DPP10: variants seen among roughly 807,000 people sequenced by gnomAD.
DPP10 encodes the protein inactive dipeptidyl peptidase 10.
In DPP10, 33 loss-of-function variants were observed where a neutral mutation model predicts 120.9. The ratio of observed to expected loss-of-function variants is 0.27; its 90% CI spans 0.21 to 0.37. DPP10 has a LOEUF of 0.37. DPP10 is among the 10% of genes least tolerant of loss of function. The pLI is 1.00. For missense variants in DPP10, 816 were observed against 942.8 expected, an observed-to-expected ratio of 0.87 and a Z score of 1.76; for synonymous variants, 337 against 326.1, an observed-to-expected ratio of 1.03 and a Z score of -0.36.
intron 3 of DPP10, among the ~76,000 whole-genome samples, chr2:115,411,336 A>C (rs2068941335): frequency 6.6e-6 from 1 of 152,304 alleles, no homozygotes; most frequent in African/African-American, 2.4e-5. Flanking sequence ...CGTCTCAAAA[A>C]AAAAGGAGAG....
intron 1 of DPP10, among the ~76,000 whole-genome samples, chr2:115,007,921 TAAAAG>T (rs1005954709): frequency 2.0e-5 from 3 of 152,018 alleles, no homozygotes; most frequent in African/African-American, 4.8e-5. Flanking sequence ...CTCAAGGAAA[TAAAAG>T]AGGATACAAA....
chr2:114,943,102 A>G (rs963397980), intron 1 of DPP10, among the ~76,000 whole-genome samples: 12 of 151,872 alleles, frequency 7.9e-5, no homozygotes, highest in African/African-American at 2.7e-4. Context: ...CCCTGTGTCC[A>G]TGTGTTCTCA....
At chr2:114,768,996 ACC>A (rs1680999424) in intron 1 of DPP10, among the ~76,000 whole-genome samples, 1 of 152,010 alleles carries the variant, frequency 6.6e-6, no homozygotes, top group Non-Finnish European at 1.5e-5. Context: ...GCAATGGGGA[ACC>A]TCTTACATAT....
chr2:115,015,404 G>A (rs923987650), intron 1 of DPP10, among the ~76,000 whole-genome samples: 1 of 152,056 alleles, frequency 6.6e-6, no homozygotes, highest in African/African-American at 2.4e-5. Context: ...ATACTGAATG[G>A]GCAAAGGCTG....
intron 1 of DPP10, among the ~76,000 whole-genome samples, chr2:114,877,934 T>C (rs969892596): frequency 4.6e-5 from 7 of 152,054 alleles, no homozygotes; most frequent in African/African-American, 1.4e-4. Context: ...CCAATGTCTC[T>C]TTGGCCATTT....
intron 1 of DPP10, among the ~76,000 whole-genome samples, chr2:115,195,009 G>A (rs190662943): frequency 5.5e-4 from 83 of 152,226 alleles, no homozygotes; most frequent in Non-Finnish European, 2.4e-4. Context: ...ACTTAAGCTG[G>A]GACAGTGTCT....
intron 19 of DPP10, among the ~76,000 whole-genome samples, chr2:115,802,384 T>C (rs1180467666): frequency 2.0e-5 from 3 of 152,120 alleles, no homozygotes; most frequent in Non-Finnish European, 4.4e-5. Context: ...AAAACCAGCT[T>C]CTGGATTCAT....
intron 1 of DPP10, among the ~76,000 whole-genome samples, chr2:115,293,731 G>T (rs2060761233): frequency 1.3e-5 from 2 of 151,954 alleles, no homozygotes; most frequent in African/African-American, 4.8e-5. Flanking sequence ...TAATGGAAGA[G>T]AATGATGGAG....
intron 1 of DPP10, among the ~76,000 whole-genome samples, chr2:115,036,713 T>C (rs1704251403): frequency 6.6e-6 from 1 of 152,226 alleles, no homozygotes; most frequent in African/African-American, 2.4e-5. Flanking sequence ...TCACTGTTTT[T>C]TTCAAAGTAC....
intron 5 of DPP10, among the ~76,000 whole-genome samples, chr2:115,621,142 A>C (rs2084915492): frequency 6.6e-6 from 1 of 152,212 alleles, no homozygotes; most frequent in East Asian, 1.9e-4. Context: ...AAACATGCAG[A>C]GAATTGTAGT....
intron 5 of DPP10, among the ~76,000 whole-genome samples, chr2:115,643,509 C>T (rs1461626197): frequency 3.9e-5 from 6 of 152,096 alleles, no homozygotes; most frequent in African/African-American, 1.2e-4. Context: ...GAGGAGCCCA[C>T]GATATAATAG....
intron 5 of DPP10, among the ~76,000 whole-genome samples, chr2:115,647,371 T>C (rs986972136): frequency 6.6e-6 from 1 of 152,154 alleles, no homozygotes; most frequent in African/African-American, 2.4e-5. Flanking sequence ...ACGATGATTA[T>C]ACTCATTCAT....
In DPP10 at chr2:115,379,287, G is replaced by A. The variant is rs558917279; in HGVS notation, c.271+35375G>A. Among the ~76,000 whole-genome samples the A allele has an allele frequency of 7.9e-5, 12 of 152,284 alleles. No individual in the cohort carries two copies. The South Asian group carries it at 2.5e-3, about 32-fold the overall frequency. ...CTTCCTGGTTTAGTCTTGGGAGAGT[G>A]TATGTGTCGAGGAATTTATCTATTT... On this transcript the variant is annotated intron_variant, in intron 3 of 25. Transcript: ENST00000410059.
intron 1 of DPP10, among the ~76,000 whole-genome samples, chr2:115,248,487 A>C (rs571790001): frequency 1.3e-5 from 2 of 152,084 alleles, no homozygotes; most frequent in South Asian, 4.2e-4. Flanking sequence ...TGCCCATCAC[A>C]AGTACTCAGA....
chr2:115,556,580 G>C (rs1032378985), intron 5 of DPP10, among the ~76,000 whole-genome samples: 8 of 152,044 alleles, frequency 5.3e-5, no homozygotes, highest in African/African-American at 1.9e-4. Flanking sequence ...AGCAGAAACA[G>C]TGCTATTAGA....
chr2:114,957,712 G>T (rs1218501179), intron 1 of DPP10, among the ~76,000 whole-genome samples: 3 of 152,176 alleles, frequency 2.0e-5, no homozygotes, highest in African/African-American at 7.2e-5. Flanking sequence ...ATCGAAGAAT[G>T]AATGGATAAA....
At chr2:115,346,052 G>A (rs373317037) in intron 3 of DPP10, among the ~76,000 whole-genome samples, 4 of 152,148 alleles carry the variant, frequency 2.6e-5, no homozygotes, top group Admixed American at 2.0e-4. Context: ...TACCATTGAA[G>A]GAACTGTCTC....
At chr2:115,021,998 C>G (rs1703109710) in intron 1 of DPP10, among the ~76,000 whole-genome samples, 1 of 151,640 alleles carries the variant, frequency 6.6e-6, no homozygotes, top group Admixed American at 6.6e-5. Context: ...TTGGCCATAG[C>G]AAAATAGGAC....
chr2:115,606,260 G>A (rs192906967), intron 5 of DPP10, among the ~76,000 whole-genome samples: 2 of 151,932 alleles, frequency 1.3e-5, no homozygotes, highest in East Asian at 3.9e-4. Flanking sequence ...AATCCTGCAG[G>A]GCAAACTCAA....
Sources: gnomAD v4.1 joint callset for allele counts (sites outside exome capture counted in the v4.1 genomes callset) on GRCh38, gnomAD v4.1.1 for gene constraint, MANE v1.5 for transcripts, NCBI Gene and HGNC (gene_info 2026-07-23, HGNC 2026-07-21) for gene names.